CTNNA3: variants seen among roughly 807,000 people sequenced by gnomAD.
CTNNA3 encodes catenin alpha-3.
In CTNNA3, 76 loss-of-function variants were observed where a neutral mutation model predicts 95.7. The observed-to-expected ratio is 0.79, with a 90% CI of 0.66 to 0.96. The LOEUF (loss-of-function observed/expected upper bound fraction) is 0.96. CTNNA3 is among the 40% of genes least tolerant of loss of function. The probability of loss-of-function intolerance (pLI) is 0.00; values close to 1 mark genes in which losing one functional copy is unlikely to be tolerated. For missense variants in CTNNA3, 1,191 were observed against 1,089.8 expected (o/e 1.09, Z -1.31); for synonymous variants, 431 against 374.4 (o/e 1.15, Z -1.74).
At chr10:67,665,289 A>C (rs770838593) in intron 1 of CTNNA3, among the ~76,000 whole-genome samples, 1 of 152,216 alleles carries the variant, frequency 6.6e-6, no homozygotes, top group Admixed American at 6.5e-5. Context: ...AATGCCTGCT[A>C]ATATACTCGG....
At chr10:66,335,602 G>C (rs1229492551) in intron 12 of CTNNA3, among the ~76,000 whole-genome samples, 1 of 152,090 alleles carries the variant, frequency 6.6e-6, no homozygotes, top group East Asian at 1.9e-4. Context: ...TTTTGTCCCA[G>C]AGGAGTACCC....
intron 9 of CTNNA3, among the ~76,000 whole-genome samples, chr10:66,674,092 T>A (rs1846760687): frequency 1.3e-5 from 2 of 152,146 alleles, no homozygotes; most frequent in South Asian, 4.1e-4. Context: ...TTGTTTCTCC[T>A]CAATCAATTC....
intron 1 of CTNNA3, among the ~76,000 whole-genome samples, chr10:67,714,965 G>T (rs1332917625): frequency 6.6e-6 from 1 of 152,210 alleles, no homozygotes; most frequent in African/African-American, 2.4e-5. Flanking sequence ...GGAGCTGGAA[G>T]TACAATAAAC....
chr10:66,108,450 G>A (rs980372709), intron 13 of CTNNA3, among the ~76,000 whole-genome samples: 4 of 151,924 alleles, frequency 2.6e-5, no homozygotes, highest in African/African-American at 9.7e-5. Flanking sequence ...TCTCGGCATG[G>A]GAGCTCAGAT....
chr10:66,675,060 T>C (rs1846801599), intron 9 of CTNNA3, among the ~76,000 whole-genome samples: 1 of 151,980 alleles, frequency 6.6e-6, no homozygotes, highest in Non-Finnish European at 1.5e-5. Flanking sequence ...CTCTCTGACA[T>C]TCCCACTCTT....
intron 17 of CTNNA3, among the ~76,000 whole-genome samples, chr10:65,945,160 G>GTATATA (rs60008851): frequency 1.2e-4 from 18 of 146,192 alleles, no homozygotes; most frequent in African/African-American, 4.6e-4. Flanking sequence ...GTGTGTGTGT[G>GTATATA]TATATATATA....
intron 7 of CTNNA3, among the ~76,000 whole-genome samples, chr10:67,101,374 T>C (rs967686830): frequency 6.6e-6 from 1 of 151,796 alleles, no homozygotes; most frequent in Non-Finnish European, 1.5e-5. Flanking sequence ...AAATTCTTTT[T>C]CTTTTTTTCT....
intron 2 of CTNNA3, among the ~76,000 whole-genome samples, chr10:67,623,585 G>A (rs554637567): frequency 1.2e-3 from 180 of 152,216 alleles, no homozygotes; most frequent in African/African-American, 4.2e-3. Flanking sequence ...AGTAAGGAGC[G>A]GGGAGAGAGT....
chr10:66,344,545 G>GATTAC (rs1471969840), intron 12 of CTNNA3, among the ~76,000 whole-genome samples: 2 of 151,934 alleles, frequency 1.3e-5, no homozygotes, highest in Admixed American at 1.3e-4. Flanking sequence ...GGGATTACAG[G>GATTAC]TGTGAGCCAC....
intron 5 of CTNNA3, among the ~76,000 whole-genome samples, chr10:67,454,349 T>G (rs1039770606): frequency 6.6e-6 from 1 of 152,160 alleles, no homozygotes; most frequent in Admixed American, 6.6e-5. Context: ...AGCTTATGTT[T>G]CCTCTATATG....
At chr10:67,044,305 G>A (rs1160622564) in intron 7 of CTNNA3, among the ~76,000 whole-genome samples, 3 of 152,110 alleles carry the variant, frequency 2.0e-5, no homozygotes, top group Non-Finnish European at 2.9e-5. Context: ...ACAATTTAAC[G>A]AGGGGGAAGG....
At chr10:66,664,255 C>G (rs1846364355) in intron 9 of CTNNA3, among the ~76,000 whole-genome samples, 1 of 152,050 alleles carries the variant, frequency 6.6e-6, no homozygotes, top group Non-Finnish European at 1.5e-5. Context: ...AATGAAAGCT[C>G]CTGATACTCT....
At chr10:66,395,612 G>A (rs1482634885) in intron 11 of CTNNA3, among the ~76,000 whole-genome samples, 1 of 151,976 alleles carries the variant, frequency 6.6e-6, no homozygotes, top group African/African-American at 2.4e-5. Context: ...CAAAAAGTCT[G>A]TACTTATTAT....
chr10:66,835,627 C>A (rs1362974405), intron 7 of CTNNA3, among the ~76,000 whole-genome samples: 1 of 152,206 alleles, frequency 6.6e-6, no homozygotes, highest in African/African-American at 2.4e-5. Context: ...CCCACCACCA[C>A]CCACTGTGGG....
At chr10:67,642,359 A>T (rs529837320) in intron 2 of CTNNA3, among the ~76,000 whole-genome samples, 1 of 152,304 alleles carries the variant, frequency 6.6e-6, no homozygotes, top group East Asian at 1.9e-4. Context: ...AACATTAAAA[A>T]GTGGGCAAAA....
At chr10:67,301,967 AGAAAG>A (rs555236449) in intron 5 of CTNNA3, among the ~76,000 whole-genome samples, 3,750 of 107,114 alleles carry the variant, frequency 0.035, 659 homozygotes, top group African/African-American at 0.11. Context: ...AGACTCGTCA[AGAAAG>A]AAAAAAGAAA....
chr10:67,055,756 A>AT (rs1855388237), intron 7 of CTNNA3, among the ~76,000 whole-genome samples: 1 of 152,176 alleles, frequency 6.6e-6, no homozygotes, highest in African/African-American at 2.4e-5. Context: ...GCAGAGGATG[A>AT]AAGATGTACC....
In CTNNA3 at chr10:67,180,393, T is replaced by C. The variant is rs766602472; in HGVS notation, c.971A>G (p.His324Arg). 15 of 1,613,816 alleles carry C rather than the reference T, an allele frequency of 9.3e-6. 1 individual carries two copies. In the South Asian group the frequency reaches 1.4e-4, roughly 15 times the overall value. Residue 324 changes from histidine (H) to arginine (R), a missense_variant, in exon 7 of 18, where the codon CAC (histidine) becomes CGC (arginine). Transcript: ENST00000433211. The part of the protein sequence containing the change: ...LADSSCTRDL[H>R]RERIIAECNA... ...GCATTCTGCGATAATCCGCTCTCGG[T>C]GTAAGTCCCTCGTACATGAAGAATC...
At chr10:67,507,543 A>G (rs1011182906) in intron 5 of CTNNA3, among the ~76,000 whole-genome samples, 1 of 152,022 alleles carries the variant, frequency 6.6e-6, no homozygotes, top group African/African-American at 2.4e-5. Context: ...TCAAAAAAAA[A>G]AGGAAAGAAA....
Sources: gnomAD v4.1 joint callset for allele counts (sites outside exome capture counted in the v4.1 genomes callset) on GRCh38, gnomAD v4.1.1 for gene constraint, MANE v1.5 for transcripts, NCBI Gene and HGNC (gene_info 2026-07-23, HGNC 2026-07-21) for gene names.